ZFHX3: variants seen among roughly 807,000 people sequenced by gnomAD.
The protein encoded by ZFHX3 is zinc finger homeobox 3, also known as zinc finger homeobox protein 3.
Under a neutral mutation model 279.1 loss-of-function variants are expected in ZFHX3, and 42 were observed. The ratio of observed to expected loss-of-function variants is 0.15; its 90% CI spans 0.12 to 0.19. The LOEUF (loss-of-function observed/expected upper bound fraction) is 0.19, where lower values mean the gene tolerates loss of function less well. ZFHX3 is among the 10% of genes least tolerant of loss of function. The pLI is 1.00. For missense variants in ZFHX3, 4,981 were observed against 4,754.0 expected, an observed-to-expected ratio of 1.05 and a Z score of -1.40; for synonymous variants, 2,293 against 1,957.8, an observed-to-expected ratio of 1.17 and a Z score of -4.52.
At chr16:73,638,639 T>C (rs576913882) in intron 2 of ZFHX3, among the ~76,000 whole-genome samples, 1 of 152,346 alleles carries the variant, frequency 6.6e-6, no homozygotes, top group East Asian at 1.9e-4. Flanking sequence ...ACCTCTATTA[T>C]AGCACCTGTT....
intron 2 of ZFHX3, among the ~76,000 whole-genome samples, chr16:73,541,205 C>T (rs920928814): frequency 6.6e-6 from 1 of 152,174 alleles, no homozygotes; most frequent in Non-Finnish European, 1.5e-5. Flanking sequence ...CCACAGACCC[C>T]ACGAAGTATT....
intron 2 of ZFHX3, among the ~76,000 whole-genome samples, chr16:73,613,308 C>A (rs1395499524): frequency 5.3e-5 from 8 of 152,220 alleles, no homozygotes; most frequent in African/African-American, 1.9e-4. Flanking sequence ...CACCCAGGGC[C>A]CCCACTCAGG....
At chr16:73,409,110 C>G (rs1004912490) in intron 3 of ZFHX3, among the ~76,000 whole-genome samples, 28 of 152,166 alleles carry the variant, frequency 1.8e-4, no homozygotes, top group Non-Finnish European at 4.0e-4. Flanking sequence ...TATTAGCATT[C>G]ACCCAAATGA....
chr16:72,977,290 G>A (rs1433029187), intron 1 of ZFHX3, among the ~76,000 whole-genome samples: 1 of 152,024 alleles, frequency 6.6e-6, no homozygotes, highest in East Asian at 1.9e-4. Context: ...GCAGCGTCTG[G>A]CCTCCCCAGG....
chr16:73,487,316 C>T (rs1370083310), intron 2 of ZFHX3: 6 of 325,672 alleles, frequency 1.8e-5, no homozygotes, highest in South Asian at 7.5e-5. Flanking sequence ...GGTGCAGTTA[C>T]TCAAATGTCT....
At chr16:73,008,229 T>C (rs1332044732) in intron 1 of ZFHX3, among the ~76,000 whole-genome samples, 1 of 152,210 alleles carries the variant, frequency 6.6e-6, no homozygotes, top group Non-Finnish European at 1.5e-5. Context: ...CCCCTGAATA[T>C]AACTTTGGTA....
At chr16:73,857,000 C>T (rs780868042) in intron 1 of ZFHX3, among the ~76,000 whole-genome samples, 27 of 152,316 alleles carry the variant, frequency 1.8e-4, no homozygotes, top group Middle Eastern at 3.4e-3. Flanking sequence ...GAGAGCGGCA[C>T]AGACAAACAG....
chr16:73,162,617 A>G (rs531619215), intron 5 of ZFHX3, among the ~76,000 whole-genome samples: 14 of 152,236 alleles, frequency 9.2e-5, no homozygotes, highest in African/African-American at 3.1e-4. Flanking sequence ...GTAATGCACC[A>G]CACCCGGCTA....
At chr16:72,857,521 C>CA (rs2037782793) in intron 4 of ZFHX3, among the ~76,000 whole-genome samples, 1 of 152,126 alleles carries the variant, frequency 6.6e-6, no homozygotes, top group Admixed American at 6.5e-5. Flanking sequence ...TTCATCTCTA[C>CA]AAAAAATAAA....
chr16:73,369,945 G>A (rs1427235074), intron 3 of ZFHX3, among the ~76,000 whole-genome samples: 1 of 152,040 alleles, frequency 6.6e-6, no homozygotes, highest in African/African-American at 2.4e-5. Context: ...ATATCGCTTG[G>A]TCAGACTGTT....
chr16:73,451,881 T>C (rs1311353264), intron 3 of ZFHX3, among the ~76,000 whole-genome samples: 2 of 152,250 alleles, frequency 1.3e-5, no homozygotes, highest in Non-Finnish European at 2.9e-5. Context: ...CACCGTCATT[T>C]TGAGCCCAAC....
chr16:73,644,429 G>C (rs754911478), intron 2 of ZFHX3, among the ~76,000 whole-genome samples: 4 of 152,088 alleles, frequency 2.6e-5, no homozygotes, highest in Non-Finnish European at 4.4e-5. Flanking sequence ...GGAGGCAGAG[G>C]GGGGCAGATT....
At chr16:73,756,391 A>G (rs1453718912) in intron 1 of ZFHX3, among the ~76,000 whole-genome samples, 1 of 152,210 alleles carries the variant, frequency 6.6e-6, no homozygotes, top group East Asian at 1.9e-4. Flanking sequence ...AGAATGGATG[A>G]GAAAAATAAT....
At chr16:73,468,720 T>C (rs1465835785) in intron 2 of ZFHX3, among the ~76,000 whole-genome samples, 1 of 152,046 alleles carries the variant, frequency 6.6e-6, no homozygotes. Flanking sequence ...AAAATTATAC[T>C]ACTATGAAAA....
At chr16:73,343,062 A>G (rs975466792) in intron 3 of ZFHX3, among the ~76,000 whole-genome samples, 2 of 152,360 alleles carry the variant, frequency 1.3e-5, no homozygotes, top group East Asian at 1.9e-4. Context: ...GGATTGAACA[A>G]ATGAATGAAT....
chr16:73,811,164 T>A (rs1350189034), intron 1 of ZFHX3, among the ~76,000 whole-genome samples: 1 of 152,148 alleles, frequency 6.6e-6, no homozygotes, highest in Non-Finnish European at 1.5e-5. Flanking sequence ...TAACATTTTG[T>A]TAATATTTTT....
chr16:73,368,303 T>C (rs979668201), intron 3 of ZFHX3, among the ~76,000 whole-genome samples: 2 of 152,254 alleles, frequency 1.3e-5, no homozygotes, highest in African/African-American at 4.8e-5. Context: ...AATATCATGA[T>C]ATGAGTAAGC....
intron 2 of ZFHX3, among the ~76,000 whole-genome samples, chr16:73,619,982 C>T (rs1257694517): frequency 6.6e-6 from 1 of 152,158 alleles, no homozygotes; most frequent in Admixed American, 6.5e-5. Flanking sequence ...AGAGTGGGGG[C>T]TCTCACTATG....
chr16:73,600,486 C>T (rs2052100977), intron 2 of ZFHX3, among the ~76,000 whole-genome samples: 1 of 149,422 alleles, frequency 6.7e-6, no homozygotes, highest in South Asian at 2.1e-4. Flanking sequence ...GGCGCAATCT[C>T]CACTCGCTGC....
Sources: gnomAD v4.1 joint callset for allele counts (sites outside exome capture counted in the v4.1 genomes callset) on GRCh38, gnomAD v4.1.1 for gene constraint, MANE v1.5 for transcripts, NCBI Gene and HGNC (gene_info 2026-07-23, HGNC 2026-07-21) for gene names.